GALNT17: variants seen among roughly 807,000 people sequenced by gnomAD.
GALNT17 encodes polypeptide N-acetylgalactosaminyltransferase 17.
GALNT17 carries 29 observed loss-of-function variants against 63.7 expected under a neutral mutation model. The ratio of observed to expected loss-of-function variants is 0.46; its 90% CI spans 0.34 to 0.62. GALNT17 has a LOEUF of 0.62. Among genes scored for constraint, GALNT17 ranks in the 20% least tolerant of loss-of-function variants. The probability of loss-of-function intolerance (pLI) is 0.01; values close to 1 mark genes in which losing one functional copy is unlikely to be tolerated. For synonymous variants in GALNT17, 305 were observed against 318.3 expected (o/e 0.96, Z 0.45); for missense variants, 603 against 799.6 (o/e 0.75, Z 2.97).
chr7:71,606,030 C>G (rs1166632374), intron 6 of GALNT17, among the ~76,000 whole-genome samples: 1 of 152,150 alleles, frequency 6.6e-6, no homozygotes, highest in Non-Finnish European at 1.5e-5. Flanking sequence ...ACCTCTGCCT[C>G]CTTGGCTCAA....
At chr7:71,275,304 G>A (rs1378646690) in intron 1 of GALNT17, among the ~76,000 whole-genome samples, 2 of 152,114 alleles carry the variant, frequency 1.3e-5, no homozygotes. Flanking sequence ...AGTGACTCAC[G>A]CCTGTAATCT....
intron 6 of GALNT17, among the ~76,000 whole-genome samples, chr7:71,588,497 A>T (rs1352214527): frequency 6.6e-6 from 1 of 152,208 alleles, no homozygotes; most frequent in Non-Finnish European, 1.5e-5. Context: ...GCTATATGGC[A>T]TTGAACAATT....
intron 2 of GALNT17, among the ~76,000 whole-genome samples, chr7:71,366,412 C>T (rs1260189469): frequency 2.0e-5 from 3 of 152,084 alleles, no homozygotes. Flanking sequence ...GAAACCCTGT[C>T]TCTATTAAAA....
intron 1 of GALNT17, among the ~76,000 whole-genome samples, chr7:71,306,218 CAAAAT>C (rs1176132554): frequency 1.3e-5 from 2 of 151,926 alleles, no homozygotes; most frequent in African/African-American, 4.8e-5. Context: ...AGATTTGTCT[CAAAAT>C]AAAATAAAAT....
chr7:71,708,455 C>G (rs187587749), intron 9 of GALNT17, among the ~76,000 whole-genome samples: 6 of 152,196 alleles, frequency 3.9e-5, no homozygotes, highest in Admixed American at 2.6e-4. Flanking sequence ...TACCTCCCAC[C>G]GGTCCCTCCC....
intron 3 of GALNT17, among the ~76,000 whole-genome samples, chr7:71,408,898 GTGTGTGTA>G (rs111458798): frequency 2.8e-4 from 42 of 149,824 alleles, no homozygotes; most frequent in African/African-American, 8.5e-4. Context: ...ATATGTGTGT[GTGTGTGTA>G]TGTATGTATG....
intron 5 of GALNT17, among the ~76,000 whole-genome samples, chr7:71,532,247 C>T (rs1220253056): frequency 2.0e-5 from 3 of 152,044 alleles, no homozygotes; most frequent in Non-Finnish European, 4.4e-5. Context: ...ACACAACACC[C>T]GCATAGCTCA....
chr7:71,262,117 T>C (rs1040298697), intron 1 of GALNT17, among the ~76,000 whole-genome samples: 1 of 152,172 alleles, frequency 6.6e-6, no homozygotes, highest in Non-Finnish European at 1.5e-5. Flanking sequence ...TTAATTGATT[T>C]TTATTTTTTT....
At chr7:71,550,641 A>C (rs1198560778) in intron 5 of GALNT17, among the ~76,000 whole-genome samples, 1 of 152,148 alleles carries the variant, frequency 6.6e-6, no homozygotes, top group Non-Finnish European at 1.5e-5. Flanking sequence ...TCGGCCTCCC[A>C]AAGTGCTGGT....
intron 1 of GALNT17, among the ~76,000 whole-genome samples, chr7:71,201,018 G>C (rs1051834954): frequency 1.3e-5 from 2 of 151,784 alleles, no homozygotes; most frequent in Non-Finnish European, 2.9e-5. Context: ...AGGCAATTCA[G>C]TTATCTCTCT....
At chr7:71,711,182 G>A (rs1436100469) in intron 10 of GALNT17, among the ~76,000 whole-genome samples, 1 of 152,086 alleles carries the variant, frequency 6.6e-6, no homozygotes. Context: ...ATAGGAGTGA[G>A]GGGGGACTTC....
intron 1 of GALNT17, among the ~76,000 whole-genome samples, chr7:71,267,597 T>C (rs1339057189): frequency 6.6e-6 from 1 of 152,228 alleles, no homozygotes; most frequent in East Asian, 1.9e-4. Flanking sequence ...CATTTGCTGA[T>C]GGATGGTGAA....
intron 6 of GALNT17, 72 bp from the exon 7 acceptor site, chr7:71,665,338 CT>C: frequency 6.8e-7 from 1 of 1,474,566 alleles, no homozygotes; most frequent in Non-Finnish European, 9.2e-7. Flanking sequence ...TGAACCATTG[CT>C]TTTGGGCTTG....
chr7:71,562,695 T>TG (rs1174617201), intron 5 of GALNT17, among the ~76,000 whole-genome samples: 2 of 152,144 alleles, frequency 1.3e-5, no homozygotes, highest in Non-Finnish European at 2.9e-5. Flanking sequence ...TTTACTCACT[T>TG]GCCTGCCACT....
chr7:71,306,174 C>T (rs1249461500), intron 1 of GALNT17, among the ~76,000 whole-genome samples: 2 of 152,114 alleles, frequency 1.3e-5, no homozygotes, highest in Non-Finnish European at 2.9e-5. Context: ...GAGCCAAGAT[C>T]GCATCATTGC....
At chr7:71,584,431 G>C (rs866291715) in intron 6 of GALNT17, among the ~76,000 whole-genome samples, 20 of 152,036 alleles carry the variant, frequency 1.3e-4, no homozygotes, top group African/African-American at 4.8e-4. Context: ...TTAACATTTT[G>C]CTGTTTTTTT....
intron 2 of GALNT17, among the ~76,000 whole-genome samples, chr7:71,337,735 G>C (rs1791934824): frequency 6.6e-6 from 1 of 151,888 alleles, no homozygotes; most frequent in South Asian, 2.1e-4. Context: ...GGGCGCGGTG[G>C]CAGGCTCCTA....
chr7:71,212,496 T>TCAG (rs1789400066), intron 1 of GALNT17, among the ~76,000 whole-genome samples: 3 of 152,214 alleles, frequency 2.0e-5, no homozygotes. Flanking sequence ...GGGCACTGCC[T>TCAG]AGTGGAGCTC....
chr7:71,190,933 T>C (rs1027415050), intron 1 of GALNT17, among the ~76,000 whole-genome samples: 1 of 152,148 alleles, frequency 6.6e-6, no homozygotes, highest in African/African-American at 2.4e-5. Context: ...GTGCCTGGCT[T>C]GAACCTGAAT....
Sources: allele counts gnomAD v4.1 joint callset (sites outside exome capture counted in the v4.1 genomes callset), GRCh38; gene constraint gnomAD v4.1.1; transcripts MANE v1.5; gene names NCBI Gene and HGNC (gene_info 2026-07-23, HGNC 2026-07-21).